The following FSTL3 variants were observed in gnomAD, a reference collection of about 807,000 sequenced individuals.
The protein encoded by FSTL3 is follistatin like 3, also known as follistatin-related protein 3.
A neutral mutation model predicts 28.1 loss-of-function variants in FSTL3; 21 were observed. That is an observed-to-expected ratio of 0.75 (90% confidence interval 0.53 to 1.08). The LOEUF is 1.08. Ranked by LOEUF, FSTL3 falls within the 50% of genes least tolerant of loss-of-function variation. The pLI is 0.00. For missense variants in FSTL3, 400 were observed against 380.9 expected (o/e 1.05, Z -0.42); for synonymous variants, 199 against 164.2 (o/e 1.21, Z -1.62).
rs987834682 is a variant in FSTL3 at position 682,341 on chromosome 19, G to C, written c.*633G>C. ...GGGTGTGTATGGAGGGTCTAGCCTG[G>C]GTGAGTATGGAGGGTCTAGCCTGGG... On this transcript the variant is annotated 3_prime_UTR_variant, in exon 5 of 5. Transcript: ENST00000166139. 4.1e-6 allele frequency: 1 copy of C among 244,052 alleles called. No homozygotes were observed. The allele number at this position is 244,052 out of a possible 1,614,324, so 15.1% of individuals were successfully genotyped here. A position where few individuals can be genotyped will look rare whatever the true frequency, so the allele number is the denominator to read the frequency against.
intron 2 of FSTL3, 67 bp from the exon 3 acceptor site, chr19:680,207 C>T: frequency 1.9e-6 from 2 of 1,056,328 alleles, no homozygotes; most frequent in Non-Finnish European, 1.2e-6. Context: ...GGCCCCGAGG[C>T]CTTCGCGCGG....
Position 680,399 on chromosome 19 carries a change from G to A in FSTL3, c.415G>A (p.Gly139Ser), listed in dbSNP as rs2031302867. The change falls in exon 3 of 5, where the codon GGC becomes AGC. Residue 139 changes from glycine to serine, a missense_variant. Gly to Ser is a moderately conservative substitution (Grantham distance 56, BLOSUM62 0). Coordinates refer to ENST00000166139, the MANE Select transcript of FSTL3 (RefSeq NM_005860.3). ...GCGGCTGCAGGTCTGCGGCTCAGAC[G>A]GCGCCACCTACCGCGACGAGTGCGA... The part of the protein sequence containing the change: ...PARLQVCGSD[G>S]ATYRDECELR... 2 of 1,274,566 alleles carry A rather than the reference G, an allele frequency of 1.6e-6. No individual in the cohort carries two copies. Among genetic ancestry groups the A allele is most frequent in the South Asian group, 2.7e-5 (1 of 37,200 alleles). 79.0% of individuals were successfully genotyped at this position (1,274,566 alleles called of 1,614,324 possible).
In FSTL3 at chr19:682,921, C is replaced by A. The variant is rs1017472519; in HGVS notation, c.*1213C>A. 4.3e-5 allele frequency: 10 copies of A among 232,730 alleles called. No homozygotes were observed. The highest frequency in any genetic ancestry group is 3.4e-4 in the Admixed American group (6 of 17,762). The allele number at this position is 232,730 out of a possible 1,614,324, so 14.4% of individuals were successfully genotyped here. On this transcript the variant is annotated 3_prime_UTR_variant, in exon 5 of 5. Transcript: ENST00000166139. ...GTGTCCCAGTGGCACCACTAGGTGC[C>A]TGCTGCCTCCACAGTGGGGTTCACA...
rs1568204319 is a variant in FSTL3, at chr19:682,843, G to A, written c.*1135G>A. The A allele has an allele frequency of 4.3e-6, 1 of 232,806 alleles. No homozygotes were observed. Among genetic ancestry groups the A allele is most frequent in the African/African-American group, 2.2e-5 (1 of 45,284 alleles). 14.4% of individuals were successfully genotyped at this position (232,806 alleles called of 1,614,324 possible). A position where few individuals can be genotyped will look rare whatever the true frequency, so the allele number is the denominator to read the frequency against. Reference sequence around the variant, plus strand: ...ACTGCTCACCCACTGGCCCCGAGGGGGGTGTAGACGCCAAGACTCACGCAT... The same window carrying A: ...ACTGCTCACCCACTGGCCCCGAGGGAGGTGTAGACGCCAAGACTCACGCAT... On this transcript the variant is annotated 3_prime_UTR_variant, in exon 5 of 5. Coordinates refer to ENST00000166139, the MANE Select transcript of FSTL3 (RefSeq NM_005860.3).
chr19:679,619 C>T (rs769955258), intron 2 of FSTL3, among the ~76,000 whole-genome samples: 2 of 152,220 alleles, frequency 1.3e-5, no homozygotes, highest in Non-Finnish European at 2.9e-5. Flanking sequence ...GCCTAGGAGG[C>T]GATGAGCATT....
In FSTL3 at chr19:681,440, A is replaced by G. The variant is rs2031331942; in HGVS notation, c.613A>G (p.Ser205Gly). 1.3e-6 allele frequency: 2 copies of G among 1,598,946 alleles called. No homozygotes were observed. The highest frequency in any genetic ancestry group is 1.6e-4 in the Middle Eastern group (1 of 6,062). Residue 205 changes from serine (S) to glycine (G), a missense_variant, in exon 4 of 5, where the codon AGC (serine) becomes GGC (glycine). By Grantham distance (56) the Ser-to-Gly change is moderately conservative (BLOSUM62 0). Transcript: ENST00000166139. ...CRAAPCPVPS[S>G]PGQELCGNNN... ...AGCGGCGCCCTGCCCTGTGCCCTCCAGCCCCGGCCAGGAGCTTTGCGGCAA... is the reference window on the plus strand; with the variant it reads ...AGCGGCGCCCTGCCCTGTGCCCTCCGGCCCCGGCCAGGAGCTTTGCGGCAA...
rs542546545 is a variant in FSTL3 at position 680,548 on chromosome 19, T to C, written c.505+59T>C. The C allele has an allele frequency of 8.4e-5, 81 of 958,718 alleles. No individual in the cohort carries two copies. In the African/African-American group the frequency reaches 1.3e-3, roughly 15 times the overall value. 59.4% of individuals were successfully genotyped at this position (958,718 alleles called of 1,614,324 possible). ...CGGGACCTACCGGACCTGCGCGTCA[T>C]GTATCGAGGCTGCTGCCGCAGTAGG... On this transcript the variant is annotated intron_variant, in intron 3 of 4. Transcript: ENST00000166139.
chr19:679,356 G>A (rs569421523), intron 2 of FSTL3, among the ~76,000 whole-genome samples: 3 of 152,324 alleles, frequency 2.0e-5, no homozygotes, highest in Admixed American at 1.3e-4. Context: ...CATCCCCTAA[G>A]GAGTGCCGCA....
rs998127955 is a variant in FSTL3 at position 682,497 on chromosome 19, A to AG, written c.*791dup. 8.6e-6 allele frequency: 2 copies of AG among 233,760 alleles called. No homozygotes were observed. Among genetic ancestry groups the AG allele is most frequent in the African/African-American group, 4.4e-5 (2 of 45,310 alleles). The allele number at this position is 233,760 out of a possible 1,614,324, so 14.5% of individuals were successfully genotyped here. A position where few individuals can be genotyped will look rare whatever the true frequency, so the allele number is the denominator to read the frequency against. ...GCCCAGCAAGCCAGGCCCTTCATGA[A>AG]GGCCAAGAAGGCTGCCACCATTCCC... is the stretch of plus-strand genomic sequence containing the variant. On this transcript the variant is annotated 3_prime_UTR_variant, in exon 5 of 5. Coordinates refer to ENST00000166139, the MANE Select transcript of FSTL3 (RefSeq NM_005860.3).
intron 1 of FSTL3, 31 bp from the exon 2 acceptor site, chr19:677,761 C>A: frequency 6.3e-7 from 1 of 1,578,072 alleles, no homozygotes; most frequent in South Asian, 1.1e-5. Context: ...CAGGAGTGGC[C>A]CAGGAGAGCA....
chr19:680,562 T>C lies in FSTL3; in HGVS notation c.505+73T>C, dbSNP rs919736457. Reference sequence around the variant, plus strand: ...CCTGCGCGTCATGTATCGAGGCTGCTGCCGCAGTAGGCGGGGGCGGGGCCT... The same window carrying C: ...CCTGCGCGTCATGTATCGAGGCTGCCGCCGCAGTAGGCGGGGGCGGGGCCT... On this transcript the variant is annotated intron_variant, in intron 3 of 4. Transcript: ENST00000166139. 11 of 554,518 alleles carry C rather than the reference T, an allele frequency of 2.0e-5. No individual in the cohort carries two copies. The East Asian group carries it at 6.9e-4, about 35-fold the overall frequency. The allele number at this position is 554,518 out of a possible 1,614,324, so 34.3% of individuals were successfully genotyped here.
Position 682,903 on chromosome 19 carries a change from A to G in FSTL3, c.*1195A>G, listed in dbSNP as rs1182699358. 1 of 232,630 alleles carries G rather than the reference A, an allele frequency of 4.3e-6. No individual in the cohort carries two copies. The highest frequency in any genetic ancestry group is 6.1e-5 in the East Asian group (1 of 16,522). The allele number at this position is 232,630 out of a possible 1,614,324, so 14.4% of individuals were successfully genotyped here. ...CCGGAGTCCTGGAGCCGGGTGTCCC[A>G]GTGGCACCACTAGGTGCCTGCTGCC... is the stretch of plus-strand genomic sequence containing the variant. On this transcript the variant is annotated 3_prime_UTR_variant, in exon 5 of 5. Coordinates refer to ENST00000166139, the MANE Select transcript of FSTL3 (RefSeq NM_005860.3).
intron 2 of FSTL3, 21 bp downstream of exon 2, chr19:677,998 C>G: frequency 1.9e-6 from 3 of 1,606,734 alleles, no homozygotes; most frequent in Non-Finnish European, 2.6e-6. Context: ...AGGCCAGAAG[C>G]AGGGCAGACG....
intron 3 of FSTL3, chr19:680,746 C>G (rs1600660664): frequency 2.8e-6 from 1 of 354,788 alleles, no homozygotes; most frequent in East Asian, 4.2e-5. Context: ...CAGCCCAGGA[C>G]AGGTCACATG....
At chr19:677,189 C>T (rs1363187918) in intron 1 of FSTL3, among the ~76,000 whole-genome samples, 1 of 152,178 alleles carries the variant, frequency 6.6e-6, no homozygotes, top group Non-Finnish European at 1.5e-5. Flanking sequence ...GGGGGGCTCT[C>T]TGGCTCCCCA....
Position 676,499 on chromosome 19 carries a change from T to C in FSTL3, c.76T>C (p.Ser26Pro). ...ALAWAVGFVS[S>P]MGSGNPAPGG... ...GGCTTGGGCCGTGGGCTTCGTGAGC[T>C]CCATGGGCTCGGGGAACCCCGCGCC... Residue 26 changes from serine (S) to proline (P), a missense_variant, in exon 1 of 5, where the codon TCC (serine) becomes CCC (proline). Physicochemically the swap from Ser to Pro is moderately conservative, Grantham distance 74. Transcript: ENST00000166139. 1 of 1,168,526 alleles carries C rather than the reference T, an allele frequency of 8.6e-7. No homozygotes were observed. The highest frequency in any genetic ancestry group is 1.1e-6 in the Non-Finnish European group (1 of 946,678). 72.4% of individuals were successfully genotyped at this position (1,168,526 alleles called of 1,614,324 possible). A position where few individuals can be genotyped will look rare whatever the true frequency, so the allele number is the denominator to read the frequency against.
chr19:677,923 A>C lies in FSTL3; in HGVS notation c.235A>C (p.Asn79His), dbSNP rs770809654. 1.1e-5 allele frequency: 18 copies of C among 1,613,490 alleles called. No individual in the cohort carries two copies. The African/African-American group carries it at 2.3e-4, about 20-fold the overall frequency. The change falls in exon 2 of 5, where the codon AAC becomes CAC. Residue 79 changes from asparagine to histidine, a missense_variant. Asn to His is a moderately conservative substitution (Grantham distance 68). Coordinates refer to ENST00000166139, the MANE Select transcript of FSTL3 (RefSeq NM_005860.3). ...TAWSNLTHPG[N>H]KINLLGFLGL... ...CTGGTCCAACCTCACCCACCCGGGG[A>C]ACAAGATCAACCTCCTCGGCTTCTT... is the stretch of plus-strand genomic sequence containing the variant.
intron 1 of FSTL3, among the ~76,000 whole-genome samples, chr19:676,745 G>A (rs902469158): frequency 1.3e-5 from 2 of 152,170 alleles, no homozygotes; most frequent in African/African-American, 4.8e-5. Context: ...TGAGCGCTTA[G>A]TGTCTACCTC....
rs762254801 is a variant in FSTL3, at chr19:677,772, C to T, written c.104-20C>T. On this transcript the variant is annotated intron_variant, in intron 1 of 4. Coordinates refer to ENST00000166139, the MANE Select transcript of FSTL3 (RefSeq NM_005860.3). ...GTGTCAGGAGTGGCCCAGGAGAGCA[C>T]CCCGTTCCCCGGCCCGCAGGTGGTG... 2.5e-6 allele frequency: 4 copies of T among 1,591,996 alleles called. No homozygotes were observed. The highest frequency in any genetic ancestry group is 1.3e-5 in the African/African-American group (1 of 74,616).
Sources: gnomAD v4.1 joint callset for allele counts (sites outside exome capture counted in the v4.1 genomes callset) on GRCh38, gnomAD v4.1.1 for gene constraint, MANE v1.5 for transcripts, NCBI Gene and HGNC (gene_info 2026-07-23, HGNC 2026-07-21) for gene names.